CCDC102B: variants seen among roughly 807,000 people sequenced by gnomAD.
The protein encoded by CCDC102B is coiled-coil domain-containing protein 102B.
Under a neutral mutation model 57.4 loss-of-function variants are expected in CCDC102B, and 75 were observed. The observed-to-expected ratio is 1.31, with a 90% confidence interval of 1.08 to 1.58. CCDC102B has a LOEUF of 1.58. Among genes scored for constraint, CCDC102B ranks in the 40% most tolerant of loss-of-function variants. CCDC102B has a pLI of 0.00. For synonymous variants in CCDC102B, 206 were observed against 201.9 expected (o/e 1.02, Z -0.17); for missense variants, 636 against 582.6 (o/e 1.09, Z -0.94).
At chr18:68,936,794 C>CACATATAT (rs1307287780) in intron 6 of CCDC102B, among the ~76,000 whole-genome samples, 4 of 150,232 alleles carry the variant, frequency 2.7e-5, no homozygotes, top group African/African-American at 9.8e-5. Flanking sequence ...TATATACATA[C>CACATATAT]ACATATATAC....
chr18:68,808,948 A>G (rs1042911683), intron 1 of CCDC102B, among the ~76,000 whole-genome samples: 3 of 152,226 alleles, frequency 2.0e-5, no homozygotes, highest in African/African-American at 2.4e-5. Flanking sequence ...TAAGAAGTAT[A>G]TGTTCTGAAA....
At chr18:68,791,301 T>A (rs1317188213) in intron 2 of CCDC102B, among the ~76,000 whole-genome samples, 1 of 152,226 alleles carries the variant, frequency 6.6e-6, no homozygotes, top group Non-Finnish European at 1.5e-5. Flanking sequence ...TCAAGTTGAA[T>A]TGCAATTTAA....
chr18:69,004,697 GT>G (rs1365034330), intron 6 of CCDC102B, among the ~76,000 whole-genome samples: 2 of 152,056 alleles, frequency 1.3e-5, no homozygotes, highest in African/African-American at 2.4e-5. Context: ...ATCCTTGATT[GT>G]TTTTTAATCT....
intron 6 of CCDC102B, among the ~76,000 whole-genome samples, chr18:68,932,342 T>A (rs1175586760): frequency 6.6e-6 from 1 of 151,952 alleles, no homozygotes; most frequent in Admixed American, 6.6e-5. Context: ...TTTATAAAAA[T>A]TTCTCTTTGA....
chr18:68,896,504 A>T (rs1227740640), intron 5 of CCDC102B, among the ~76,000 whole-genome samples: 1 of 151,896 alleles, frequency 6.6e-6, no homozygotes, highest in African/African-American at 2.4e-5. Flanking sequence ...GGGCTTTACT[A>T]CCTATATGGT....
chr18:68,996,578 C>T (rs1306627530), intron 6 of CCDC102B, among the ~76,000 whole-genome samples: 1 of 152,168 alleles, frequency 6.6e-6, no homozygotes, highest in Non-Finnish European at 1.5e-5. Context: ...ATAACTGCAC[C>T]ACTGGATTTT....
chr18:68,761,286 T>C (rs1367124233), intron 2 of CCDC102B, among the ~76,000 whole-genome samples: 1 of 152,088 alleles, frequency 6.6e-6, no homozygotes, highest in Non-Finnish European at 1.5e-5. Context: ...ACTTGCTTAG[T>C]TGTGAAAAAA....
At chr18:68,846,481 T>C in intron 4 of CCDC102B, 60 bp downstream of exon 4, 1 of 1,106,372 alleles carries the variant, frequency 9.0e-7, no homozygotes, top group Non-Finnish European at 1.3e-6. Context: ...TCTTTGGATA[T>C]GTAAGCATGT....
At chr18:68,798,890 A>G (rs2035733451) in intron 1 of CCDC102B, among the ~76,000 whole-genome samples, 1 of 152,114 alleles carries the variant, frequency 6.6e-6, no homozygotes. Flanking sequence ...TAAATTATCA[A>G]TTGAATGTCA....
chr18:68,737,717 G>A (rs2033207996), intron 2 of CCDC102B, among the ~76,000 whole-genome samples: 1 of 152,150 alleles, frequency 6.6e-6, no homozygotes, highest in Admixed American at 6.5e-5. Flanking sequence ...TTATGTAGCA[G>A]CAGCCCTGTT....
At chr18:68,836,625 AAAAAT>A in intron 1 of CCDC102B, 119 bp from the exon 2 acceptor site, 1 of 415,790 alleles carries the variant, frequency 2.4e-6, no homozygotes, top group Non-Finnish European at 3.5e-6. Context: ...AGACTCTGTC[AAAAAT>A]AAAAAAAAAG....
At chr18:68,816,446 T>C (rs1177875225) in intron 1 of CCDC102B, among the ~76,000 whole-genome samples, 1 of 151,328 alleles carries the variant, frequency 6.6e-6, no homozygotes, top group Non-Finnish European at 1.5e-5. Context: ...ATAGTCTTCT[T>C]CCTATTTCCT....
chr18:68,776,747 CA>C (rs369226063), intron 2 of CCDC102B, among the ~76,000 whole-genome samples: 65 of 149,814 alleles, frequency 4.3e-4, no homozygotes, highest in African/African-American at 1.3e-3. Context: ...ATAATCTGTA[CA>C]AAAAAAAACC....
rs201527607 is a variant in CCDC102B, at chr18:68,957,559, T to TTG, written c.1264-53374_1264-53373insGT. ...AGCCAGGTAATGTGATTCTTCCAGTTTTTTTTTTTTTTTTCTCTGAATGGC... is the reference window on the plus strand; with the variant it reads ...AGCCAGGTAATGTGATTCTTCCAGTTTGTTTTTTTTTTTTTTCTCTGAATGGC... On this transcript the variant is annotated intron_variant, in intron 6 of 7. Coordinates refer to ENST00000360242, the MANE Select transcript of CCDC102B (RefSeq NM_024781.3). Among the ~76,000 whole-genome samples the TTG allele has an allele frequency of 1.8e-3, 269 of 150,458 alleles. 7 individuals are homozygous for TTG. The East Asian group carries it at 0.05, about 28-fold the overall frequency.
intron 6 of CCDC102B, among the ~76,000 whole-genome samples, chr18:68,964,258 G>C (rs926054312): frequency 1.3e-5 from 2 of 151,812 alleles, no homozygotes; most frequent in African/African-American, 4.8e-5. Flanking sequence ...TTGCAGCTGT[G>C]ATCATTTTGT....
chr18:68,860,379 C>T (rs1264436211), intron 4 of CCDC102B, among the ~76,000 whole-genome samples: 1 of 51,058 alleles, frequency 2.0e-5, no homozygotes, highest in Non-Finnish European at 4.8e-5. Flanking sequence ...GTGCAGCGCA[C>T]CAGCATGGCA....
At chr18:69,004,210 AAGCAGATTCTGGAG>A (rs1271129359) in intron 6 of CCDC102B, among the ~76,000 whole-genome samples, 1 of 152,188 alleles carries the variant, frequency 6.6e-6, no homozygotes, top group Admixed American at 6.6e-5. Flanking sequence ...GTTACCTGGG[AAGCAGATTCTGGAG>A]ATATCAACAT....
At chr18:68,751,180 C>T (rs1395099938) in intron 2 of CCDC102B, among the ~76,000 whole-genome samples, 2 of 152,074 alleles carry the variant, frequency 1.3e-5, no homozygotes, top group Non-Finnish European at 2.9e-5. Context: ...TCTATAAAGC[C>T]ACTGTGAATA....
intron 6 of CCDC102B, among the ~76,000 whole-genome samples, chr18:68,923,108 A>G (rs1347249027): frequency 6.6e-6 from 1 of 151,992 alleles, no homozygotes; most frequent in African/African-American, 2.4e-5. Context: ...AAAAAAGGAC[A>G]TGGAGAATCT....
Sources: allele counts gnomAD v4.1 joint callset (sites outside exome capture counted in the v4.1 genomes callset), GRCh38; gene constraint gnomAD v4.1.1; transcripts MANE v1.5; gene names NCBI Gene and HGNC (gene_info 2026-07-23, HGNC 2026-07-21).